DLG2: variants seen among roughly 807,000 people sequenced by gnomAD.
DLG2 encodes discs large MAGUK scaffold protein 2, also known as disks large homolog 2.
A neutral mutation model predicts 132.5 loss-of-function variants in DLG2; 45 were observed. That is an observed-to-expected ratio of 0.34 (90% CI 0.27 to 0.44). The LOEUF (loss-of-function observed/expected upper bound fraction) is 0.44, where lower values mean the gene tolerates loss of function less well. Among genes scored for constraint, DLG2 ranks in the 20% least tolerant of loss-of-function variants. DLG2 has a pLI of 1.00. For missense variants in DLG2, 1,045 were observed against 1,196.9 expected, an observed-to-expected ratio of 0.87 and a Z score of 1.87; for synonymous variants, 424 against 419.6, an observed-to-expected ratio of 1.01 and a Z score of -0.13.
At chr11:84,305,422 T>C (rs1407063110) in intron 7 of DLG2, among the ~76,000 whole-genome samples, 2 of 152,192 alleles carry the variant, frequency 1.3e-5, no homozygotes, top group African/African-American at 4.8e-5. Context: ...ACCATTTGTA[T>C]TTGATAAAAC....
chr11:85,504,811 C>G (rs1199296459), intron 3 of DLG2, among the ~76,000 whole-genome samples: 1 of 152,172 alleles, frequency 6.6e-6, no homozygotes, highest in South Asian at 2.1e-4. Context: ...GACAGTATGG[C>G]CATTTTCACA....
intron 8 of DLG2, among the ~76,000 whole-genome samples, chr11:84,240,485 T>C (rs1041927455): frequency 6.6e-6 from 1 of 152,108 alleles, no homozygotes; most frequent in African/African-American, 2.4e-5. Flanking sequence ...ATCCAGCTGG[T>C]ATATGGTTGA....
At chr11:84,844,317 T>G (rs983368746) in intron 6 of DLG2, among the ~76,000 whole-genome samples, 2 of 151,554 alleles carry the variant, frequency 1.3e-5, no homozygotes, top group African/African-American at 4.8e-5. Flanking sequence ...AAAGATTACA[T>G]GTGTAAAGTG....
At chr11:84,732,966 G>T (rs930123665) in intron 6 of DLG2, among the ~76,000 whole-genome samples, 2 of 152,106 alleles carry the variant, frequency 1.3e-5, no homozygotes, top group Non-Finnish European at 2.9e-5. Flanking sequence ...CAAAGGACAT[G>T]AACTCATCAC....
intron 6 of DLG2, among the ~76,000 whole-genome samples, chr11:84,882,546 A>C (rs1458492665): frequency 6.6e-6 from 1 of 152,066 alleles, no homozygotes; most frequent in Admixed American, 6.6e-5. Flanking sequence ...AAACAGCACC[A>C]GAGCGCCCCT....
chr11:85,303,541 A>T (rs2079741945), intron 3 of DLG2, among the ~76,000 whole-genome samples: 1 of 152,204 alleles, frequency 6.6e-6, no homozygotes, highest in Admixed American at 6.5e-5. Flanking sequence ...AGGTTGATAT[A>T]AAAGTCACAA....
chr11:83,593,586 T>C (rs2097228778), intron 19 of DLG2, among the ~76,000 whole-genome samples: 2 of 151,008 alleles, frequency 1.3e-5, no homozygotes, highest in African/African-American at 4.9e-5. Context: ...ATGGCACATG[T>C]ATACATATGT....
At chr11:84,645,449 C>A (rs1337377723) in intron 6 of DLG2, among the ~76,000 whole-genome samples, 3 of 151,844 alleles carry the variant, frequency 2.0e-5, no homozygotes, top group Non-Finnish European at 4.4e-5. Context: ...TATTAAGTGA[C>A]CATCCATAAT....
At chr11:83,525,674 G>T (rs2095589621) in intron 21 of DLG2, among the ~76,000 whole-genome samples, 1 of 152,166 alleles carries the variant, frequency 6.6e-6, no homozygotes, top group South Asian at 2.1e-4. Flanking sequence ...GCAGCAGTAT[G>T]GCTCTCCTTC....
intron 3 of DLG2, among the ~76,000 whole-genome samples, chr11:85,504,051 G>C (rs1199640604): frequency 1.3e-5 from 2 of 152,030 alleles, no homozygotes; most frequent in Non-Finnish European, 2.9e-5. Context: ...CACTTTTTGA[G>C]GGGGATGTTT....
intron 3 of DLG2, among the ~76,000 whole-genome samples, chr11:85,503,603 G>A (rs180922289): frequency 6.6e-6 from 1 of 152,106 alleles, no homozygotes; most frequent in Non-Finnish European, 1.5e-5. Flanking sequence ...TAGATTAATG[G>A]GTTATCATGG....
chr11:84,824,782 A>G (rs1347198190), intron 6 of DLG2, among the ~76,000 whole-genome samples: 1 of 151,862 alleles, frequency 6.6e-6, no homozygotes, highest in Non-Finnish European at 1.5e-5. Flanking sequence ...GCTCAGGCTT[A>G]AGTGTCGCAA....
rs550507364 is a variant in DLG2, at chr11:84,750,129, G to C, written c.358-215398C>G. 5.3e-5 allele frequency among the ~76,000 whole-genome samples: 8 copies of C among 152,198 alleles called. No individual in the cohort carries two copies. The East Asian group carries it at 1.5e-3, about 29-fold the overall frequency. ...AGGAAGACTATTAGATTTATTTAAA[G>C]ATGGTAGACTTTGCTCTGTACTTTT... On this transcript the variant is annotated intron_variant, in intron 6 of 27. Transcript: ENST00000376104.
chr11:84,094,777 G>A (rs774027105), intron 10 of DLG2, among the ~76,000 whole-genome samples: 4 of 152,138 alleles, frequency 2.6e-5, no homozygotes, highest in Admixed American at 1.3e-4. Context: ...TTGGGGATTA[G>A]CTTTCAACAG....
At chr11:85,315,835 C>G (rs1441866416) in intron 3 of DLG2, among the ~76,000 whole-genome samples, 1 of 151,958 alleles carries the variant, frequency 6.6e-6, no homozygotes, top group Admixed American at 6.6e-5. Context: ...AAAACTGCCT[C>G]TTCACCTCTC....
intron 3 of DLG2, among the ~76,000 whole-genome samples, chr11:85,587,789 CCTGT>C (rs1246406185): frequency 6.6e-6 from 1 of 151,938 alleles, no homozygotes; most frequent in Non-Finnish European, 1.5e-5. Context: ...TTTAATAGGC[CCTGT>C]GAGATTTACA....
intron 6 of DLG2, among the ~76,000 whole-genome samples, chr11:84,955,036 A>G (rs1028081888): frequency 2.0e-5 from 3 of 152,210 alleles, no homozygotes; most frequent in Non-Finnish European, 4.4e-5. Context: ...CACAGATAAT[A>G]TGTAAATGAT....
At chr11:83,818,686 T>A (rs547598505) in intron 17 of DLG2, among the ~76,000 whole-genome samples, 1 of 152,202 alleles carries the variant, frequency 6.6e-6, no homozygotes, top group South Asian at 2.1e-4. Context: ...TTAGTAAGGG[T>A]ATGAAAGCTA....
At chr11:84,611,838 C>T (rs1416208489) in intron 6 of DLG2, among the ~76,000 whole-genome samples, 1 of 152,096 alleles carries the variant, frequency 6.6e-6, no homozygotes, top group Non-Finnish European at 1.5e-5. Flanking sequence ...AGCAAAATAT[C>T]TGAAGCATCT....
Sources: gnomAD v4.1 joint callset for allele counts (sites outside exome capture counted in the v4.1 genomes callset) on GRCh38, gnomAD v4.1.1 for gene constraint, MANE v1.5 for transcripts, NCBI Gene and HGNC (gene_info 2026-07-23, HGNC 2026-07-21) for gene names.